Variants in SGPP2 observed in about 807,000 individuals in gnomAD.
SGPP2 encodes sphingosine-1-phosphate phosphatase 2.
SGPP2 carries 30 observed loss-of-function variants against 33.9 expected under a neutral mutation model. The ratio of observed to expected loss-of-function variants is 0.89; its 90% confidence interval spans 0.66 to 1.20. The LOEUF (loss-of-function observed/expected upper bound fraction) is 1.20. SGPP2 is among the 50% of genes most tolerant of loss of function. The pLI, the probability that SGPP2 is intolerant of heterozygous loss-of-function variation, is 0.00. For synonymous variants in SGPP2, 233 were observed against 225.0 expected (o/e 1.04, Z -0.32); for missense variants, 458 against 532.1 (o/e 0.86, Z 1.37).
intron 2 of SGPP2, among the ~76,000 whole-genome samples, chr2:222,516,206 G>A (rs1401827536): frequency 2.0e-5 from 3 of 152,076 alleles, no homozygotes; most frequent in Non-Finnish European, 4.4e-5. Context: ...CTTGCTTTCT[G>A]TCATTATAAA....
intron 1 of SGPP2, among the ~76,000 whole-genome samples, chr2:222,437,681 T>G (rs1697265055): frequency 1.3e-5 from 2 of 152,192 alleles, no homozygotes; most frequent in African/African-American, 4.8e-5. Context: ...CACGACCCAC[T>G]TTATGGCTAG....
Position 222,521,947 on chromosome 2 carries a change from G to C in SGPP2, c.558+1G>C. The C allele has an allele frequency of 6.6e-7, 1 of 1,512,406 alleles. No individual in the cohort carries two copies. Among genetic ancestry groups the C allele is most frequent in the Non-Finnish European group, 8.8e-7 (1 of 1,130,884 alleles). The allele number at this position is 1,512,406 out of a possible 1,614,324, so 93.7% of individuals were successfully genotyped here. A position where few individuals can be genotyped will look rare whatever the true frequency, so the allele number is the denominator to read the frequency against. On this transcript the variant is annotated splice_donor_variant, in intron 3 of 4. Transcript: ENST00000321276. LOFTEE classifies it high-confidence loss of function. ...TATCTCTACTATGGACAGATACCAGGTAAGGTGGCCTGGTTCTTCTTCCTA... is the reference window on the plus strand; with the variant it reads ...TATCTCTACTATGGACAGATACCAGCTAAGGTGGCCTGGTTCTTCTTCCTA...
At position 222,559,021 on chromosome 2, in the gene SGPP2, G is replaced by C; in HGVS notation, c.*123G>C. The C allele has an allele frequency of 1.2e-6, 1 of 865,700 alleles. No homozygotes were observed. The highest frequency in any genetic ancestry group is 1.8e-6 in the Non-Finnish European group (1 of 570,298). 53.6% of individuals were successfully genotyped at this position (865,700 alleles called of 1,614,324 possible). A position where few individuals can be genotyped will look rare whatever the true frequency, so the allele number is the denominator to read the frequency against. On this transcript the variant is annotated 3_prime_UTR_variant, in exon 5 of 5. Transcript: ENST00000321276. ...CAACAAAAAGTCATACGGCTGTCTT[G>C]CTACTACCAGATAAATGATGCTGCT...
intron 1 of SGPP2, among the ~76,000 whole-genome samples, chr2:222,461,624 A>G (rs952870164): frequency 4.0e-5 from 6 of 151,632 alleles, no homozygotes; most frequent in Non-Finnish European, 5.9e-5. Flanking sequence ...GGGTGATGGG[A>G]GACAGTGACA....
At position 222,562,424 on chromosome 2, in the gene SGPP2, G is replaced by GT. The variant is rs1271676786; in HGVS notation, c.*3527dup. ...CCAAAACGTGCCCAGTGATCGCACT[G>GT]TAACATGGGATTTTCTCACCCAAAT... On this transcript the variant is annotated 3_prime_UTR_variant, in exon 5 of 5. Transcript: ENST00000321276. 6.6e-6 allele frequency among the ~76,000 whole-genome samples: 1 copy of GT among 152,176 alleles called. No homozygotes were observed. The highest frequency in any genetic ancestry group is 1.5e-5 in the Non-Finnish European group (1 of 68,046).
chr2:222,488,662 A>G (rs972438815), intron 2 of SGPP2, among the ~76,000 whole-genome samples: 1 of 152,152 alleles, frequency 6.6e-6, no homozygotes. Flanking sequence ...ATGGAATTCC[A>G]TGTGAGTTCA....
intron 4 of SGPP2, among the ~76,000 whole-genome samples, chr2:222,545,480 C>T (rs1380782464): frequency 2.0e-5 from 3 of 152,066 alleles, no homozygotes; most frequent in Admixed American, 2.0e-4. Flanking sequence ...CAGGGTTTCA[C>T]CATGTTGGCC....
At position 222,558,865 on chromosome 2, in the gene SGPP2, G is replaced by A. The variant is rs917229336; in HGVS notation, c.1167G>A (p.Val389=). The A allele has an allele frequency of 2.5e-6, 4 of 1,610,572 alleles. No individual in the cohort carries two copies. The highest frequency in any genetic ancestry group is 3.4e-6 in the Non-Finnish European group (4 of 1,177,070). The change falls in exon 5 of 5, where the codon GTG becomes GTA. Residue 389 remains valine (V), a synonymous_variant. Coordinates refer to ENST00000321276, the MANE Select transcript of SGPP2 (RefSeq NM_152386.4). The part of the protein sequence containing the change: ...TSVGICATTF[V]PMLHRFLGLP ...TTGGCATCTGCGCTACAACCTTTGT[G>A]CCGATGCTTCACAGGTTTCTGGGAT...
chr2:222,531,683 G>T (rs1334539510), intron 4 of SGPP2, among the ~76,000 whole-genome samples: 1 of 152,172 alleles, frequency 6.6e-6, no homozygotes, highest in East Asian at 1.9e-4. Flanking sequence ...TGAATTTTAT[G>T]TTATGTGTGT....
At position 222,478,267 on chromosome 2, in the gene SGPP2, T is replaced by TTGTGTGTGTG. The variant is rs113118208; in HGVS notation, c.378+3561_378+3570dup. On this transcript the variant is annotated intron_variant, in intron 2 of 4. Coordinates refer to ENST00000321276, the MANE Select transcript of SGPP2 (RefSeq NM_152386.4). ...TGCATCTTCGTGTATGTGCATGCAT[T>TTGTGTGTGTG]TGTGTGTGTGTGTGTGTGTGTGTGT... Among the ~76,000 whole-genome samples, 201 of 141,588 alleles carry TTGTGTGTGTG rather than the reference T, an allele frequency of 1.4e-3. 1 individual carries two copies. Among genetic ancestry groups the TTGTGTGTGTG allele is most frequent in the African/African-American group, 4.5e-3 (169 of 37,342 alleles). 92.9% of individuals were successfully genotyped at this position (141,588 alleles called of 152,430 possible). A position where few individuals can be genotyped will look rare whatever the true frequency, so the allele number is the denominator to read the frequency against.
chr2:222,540,343 T>G (rs1192597301), intron 4 of SGPP2, among the ~76,000 whole-genome samples: 6 of 152,198 alleles, frequency 3.9e-5, no homozygotes, highest in African/African-American at 1.4e-4. Flanking sequence ...TTTCATGTGA[T>G]GTCATGTCAG....
intron 2 of SGPP2, among the ~76,000 whole-genome samples, chr2:222,501,889 A>C (rs1002389535): frequency 6.6e-6 from 1 of 151,928 alleles, no homozygotes; most frequent in Non-Finnish European, 1.5e-5. Flanking sequence ...TGATGGTGGC[A>C]GTTGGAGAAG....
chr2:222,462,761 A>G (rs13031575), intron 1 of SGPP2, among the ~76,000 whole-genome samples: 52,055 of 151,812 alleles, frequency 0.34, 9,018 homozygotes, highest in East Asian at 0.43. Flanking sequence ...TTATTTTTAT[A>G]TAGTTTTGGA....
intron 1 of SGPP2, among the ~76,000 whole-genome samples, chr2:222,447,840 C>T (rs894043917): frequency 6.6e-6 from 1 of 151,854 alleles, no homozygotes; most frequent in Non-Finnish European, 1.5e-5. Context: ...GCTGAGCTCA[C>T]GGGTTAGTGA....
rs1697507658 is a variant in SGPP2, at chr2:222,452,526, C to T, written c.220-22042C>T. 6 of 1,003,246 alleles carry T rather than the reference C, an allele frequency of 6.0e-6. No homozygotes were observed. In the Admixed American group the frequency reaches 1.0e-4, roughly 17 times the overall value. The allele number at this position is 1,003,246 out of a possible 1,614,324, so 62.1% of individuals were successfully genotyped here. A position where few individuals can be genotyped will look rare whatever the true frequency, so the allele number is the denominator to read the frequency against. ...TTTCCCCAGCAGTTTCCAAGGCAAACTGGCAGGAGAATTTGGCTGGAACTA... is the reference window on the plus strand; with the variant it reads ...TTTCCCCAGCAGTTTCCAAGGCAAATTGGCAGGAGAATTTGGCTGGAACTA... On this transcript the variant is annotated intron_variant, in intron 1 of 4. Coordinates refer to ENST00000321276, the MANE Select transcript of SGPP2 (RefSeq NM_152386.4).
intron 1 of SGPP2, among the ~76,000 whole-genome samples, chr2:222,442,088 A>G (rs1697333179): frequency 6.6e-6 from 1 of 152,206 alleles, no homozygotes; most frequent in Non-Finnish European, 1.5e-5. Flanking sequence ...ATGCACTGAA[A>G]GATTTCAGCC....
intron 2 of SGPP2, among the ~76,000 whole-genome samples, chr2:222,475,109 TTAAAC>T (rs1298976205): frequency 6.6e-6 from 1 of 152,096 alleles, no homozygotes; most frequent in Non-Finnish European, 1.5e-5. Context: ...TGCTTCAAAG[TTAAAC>T]TAAACTAAAA....
chr2:222,460,406 AC>A lies in SGPP2; in HGVS notation c.220-14158del, dbSNP rs1400799697. Among the ~76,000 whole-genome samples, 1 of 151,742 alleles carries A rather than the reference AC, an allele frequency of 6.6e-6. No individual in the cohort carries two copies. Among genetic ancestry groups the A allele is most frequent in the Non-Finnish European group, 1.5e-5 (1 of 67,952 alleles). ...TGGCAGAGGCTGGGTTGTGTATAAA[AC>A]CCCTGAGAACACGACATAAGCGGTT... On this transcript the variant is annotated intron_variant, in intron 1 of 4. Transcript: ENST00000321276. This position sits in a 1 kb window ranked among gnomAD's most constrained non-coding sequence, Gnocchi z 4.3.
chr2:222,542,408 C>T (rs1340291827), intron 4 of SGPP2, among the ~76,000 whole-genome samples: 2 of 152,192 alleles, frequency 1.3e-5, no homozygotes, highest in Admixed American at 1.3e-4. Flanking sequence ...CAAATATGTA[C>T]ATTTTCCTCT....
Sources: gnomAD v4.1 joint callset for allele counts (sites outside exome capture counted in the v4.1 genomes callset) on GRCh38, gnomAD v4.1.1 for gene constraint, Gnocchi (gnomAD v3.1) non-coding constraint, MANE v1.5 for transcripts, NCBI Gene and HGNC (gene_info 2026-07-23, HGNC 2026-07-21) for gene names.